Variants in SBF2 observed in about 807,000 individuals in gnomAD.
SBF2 encodes the protein SET binding factor 2, also known as myotubularin-related protein 13.
Under a neutral mutation model 225.2 loss-of-function variants are expected in SBF2, and 112 were observed. The observed-to-expected ratio is 0.50, with a 90% CI of 0.43 to 0.58. The LOEUF (loss-of-function observed/expected upper bound fraction) is 0.58. SBF2 is among the 20% of genes least tolerant of loss of function. The pLI is 0.00. For missense variants in SBF2, 1,996 were observed against 2,206.2 expected, an observed-to-expected ratio of 0.90 and a Z score of 1.91; for synonymous variants, 763 against 773.3, an observed-to-expected ratio of 0.99 and a Z score of 0.22.
At chr11:10,052,607 CTTGT>C (rs879909981) in intron 2 of SBF2, among the ~76,000 whole-genome samples, 86 of 152,270 alleles carry the variant, frequency 5.6e-4, no homozygotes, top group African/African-American at 1.6e-3. Flanking sequence ...TGTTTACTTG[CTTGT>C]TTGTTTAATT....
intron 1 of SBF2, among the ~76,000 whole-genome samples, chr11:10,236,403 C>T (rs1472231331): frequency 1.3e-5 from 2 of 152,178 alleles, no homozygotes; most frequent in Non-Finnish European, 2.9e-5. Flanking sequence ...TTCAAGCCTA[C>T]TGTGAGCTAT....
At chr11:9,876,389 G>A (rs907950609) in intron 17 of SBF2, among the ~76,000 whole-genome samples, 4 of 152,066 alleles carry the variant, frequency 2.6e-5, no homozygotes, top group African/African-American at 9.7e-5. Flanking sequence ...TTCATATGTT[G>A]AAACCCTATC....
chr11:10,202,950 A>C (rs1957620647), intron 1 of SBF2, among the ~76,000 whole-genome samples: 1 of 152,122 alleles, frequency 6.6e-6, no homozygotes, highest in Admixed American at 6.5e-5. Context: ...GAGGACAGTG[A>C]ACCCAGAGAG....
At chr11:9,807,878 G>A (rs1468780294) in intron 32 of SBF2, 122 bp downstream of exon 32, 4 of 895,576 alleles carry the variant, frequency 4.5e-6, no homozygotes, top group Admixed American at 4.0e-5. Context: ...AGCATGTCCT[G>A]TGGCTGAGTT....
chr11:9,892,783 T>C (rs917637251), intron 17 of SBF2, among the ~76,000 whole-genome samples: 2 of 152,138 alleles, frequency 1.3e-5, no homozygotes, highest in African/African-American at 4.8e-5. Flanking sequence ...GGTCTTCAAC[T>C]CCCAACCTCA....
At chr11:9,887,834 T>C (rs1860461548) in intron 17 of SBF2, among the ~76,000 whole-genome samples, 1 of 151,938 alleles carries the variant, frequency 6.6e-6, no homozygotes, top group Non-Finnish European at 1.5e-5. Flanking sequence ...GTCAAAAATA[T>C]AATCCCTTGA....
intron 3 of SBF2, among the ~76,000 whole-genome samples, chr11:10,039,174 G>A (rs1204912676): frequency 1.3e-5 from 2 of 151,690 alleles, no homozygotes. Flanking sequence ...CAAATAATGT[G>A]TCATAGTATA....
intron 29 of SBF2, among the ~76,000 whole-genome samples, chr11:9,816,042 T>A (rs1854439438): frequency 6.6e-6 from 1 of 152,224 alleles, no homozygotes; most frequent in Non-Finnish European, 1.5e-5. Flanking sequence ...GGTTGTCCAG[T>A]GCCAACTGGA....
intron 21 of SBF2, among the ~76,000 whole-genome samples, chr11:9,851,211 T>C (rs1856928150): frequency 6.7e-6 from 1 of 149,466 alleles, no homozygotes; most frequent in South Asian, 2.1e-4. Flanking sequence ...GAAACCAGAA[T>C]GTACATTATA....
chr11:10,063,361 A>G (rs1030996468), intron 2 of SBF2, among the ~76,000 whole-genome samples: 4 of 113,736 alleles, frequency 3.5e-5, no homozygotes, highest in Admixed American at 3.1e-4. Flanking sequence ...TAATTTTTTT[A>G]TTTTATTTTT....
chr11:9,907,359 T>C (rs921181485), intron 16 of SBF2, among the ~76,000 whole-genome samples: 1 of 152,222 alleles, frequency 6.6e-6, no homozygotes, highest in Non-Finnish European at 1.5e-5. Context: ...TTCCACATCA[T>C]ACTTACTCCT....
intron 24 of SBF2, among the ~76,000 whole-genome samples, chr11:9,845,006 C>T (rs1856437883): frequency 6.6e-6 from 1 of 152,026 alleles, no homozygotes; most frequent in South Asian, 2.1e-4. Context: ...AAAGGGACAT[C>T]TTATATCTAA....
At chr11:10,208,253 T>C (rs1478995626) in intron 1 of SBF2, among the ~76,000 whole-genome samples, 1 of 152,080 alleles carries the variant, frequency 6.6e-6, no homozygotes, top group Non-Finnish European at 1.5e-5. Context: ...TACCACTAGA[T>C]GGCATAACAC....
intron 2 of SBF2, among the ~76,000 whole-genome samples, chr11:10,162,163 G>A (rs1955775705): frequency 6.6e-6 from 1 of 150,694 alleles, no homozygotes; most frequent in Non-Finnish European, 1.5e-5. Context: ...ACTGTTAACA[G>A]CCCCAAATCA....
chr11:10,008,397 T>C (rs1178274762), intron 6 of SBF2, among the ~76,000 whole-genome samples: 1 of 152,138 alleles, frequency 6.6e-6, no homozygotes, highest in South Asian at 2.1e-4. Flanking sequence ...CTCCAAAAGC[T>C]AGCACTGGGC....
At chr11:10,224,663 G>A (rs988793067) in intron 1 of SBF2, among the ~76,000 whole-genome samples, 4 of 151,902 alleles carry the variant, frequency 2.6e-5, no homozygotes, top group Non-Finnish European at 5.9e-5. Flanking sequence ...TCCCCTTTCT[G>A]CATACATGGC....
chr11:9,858,158 G>C, intron 18 of SBF2, 68 bp downstream of exon 18: 1 of 1,584,570 alleles, frequency 6.3e-7, no homozygotes, highest in Non-Finnish European at 8.6e-7. Context: ...TTTGCCCTGG[G>C]AACATCTGCT....
chr11:9,998,402 C>A (rs372381677), intron 8 of SBF2, 23 bp from the exon 9 acceptor site: 1 of 1,233,132 alleles, frequency 8.1e-7, no homozygotes, highest in African/African-American at 1.5e-5. Flanking sequence ...AAAAAATTAA[C>A]CTATAATTAC....
chr11:10,090,113 A>G (rs1590932410), intron 2 of SBF2, among the ~76,000 whole-genome samples: 2 of 152,334 alleles, frequency 1.3e-5, no homozygotes, highest in Middle Eastern at 3.4e-3. Flanking sequence ...TTCCACTTAT[A>G]CAAGGTACTT....
Sources: allele counts gnomAD v4.1 joint callset (sites outside exome capture counted in the v4.1 genomes callset), GRCh38; gene constraint gnomAD v4.1.1; transcripts MANE v1.5; gene names NCBI Gene and HGNC (gene_info 2026-07-23, HGNC 2026-07-21).